Variants in OTUD7A observed in about 807,000 individuals in gnomAD.
The protein encoded by OTUD7A is OTU deubiquitinase 7A.
A neutral mutation model predicts 65.7 loss-of-function variants in OTUD7A; 12 were observed. The observed-to-expected ratio is 0.18, with a 90% CI of 0.12 to 0.30. The LOEUF is 0.30. Ranked by LOEUF, OTUD7A falls within the 10% of genes least tolerant of loss-of-function variation. The pLI, the probability that OTUD7A is intolerant of heterozygous loss-of-function variation, is 1.00. For missense variants in OTUD7A, 1,148 were observed against 1,304.8 expected (o/e 0.88, Z 1.85); for synonymous variants, 641 against 586.3 (o/e 1.09, Z -1.35).
intron 1 of OTUD7A, among the ~76,000 whole-genome samples, chr15:31,834,245 G>A (rs897649829): frequency 2.6e-5 from 4 of 152,138 alleles, no homozygotes; most frequent in African/African-American, 7.2e-5. Context: ...TGGAGTTCAC[G>A]GTGCAATTCT....
At chr15:31,819,583 T>C (rs1896629608) in intron 1 of OTUD7A, among the ~76,000 whole-genome samples, 1 of 152,220 alleles carries the variant, frequency 6.6e-6, no homozygotes, top group African/African-American at 2.4e-5. Flanking sequence ...TATGGAATTT[T>C]GAAATTCCAA....
At chr15:31,590,228 C>T (rs1234569380) in intron 3 of OTUD7A, among the ~76,000 whole-genome samples, 5 of 152,204 alleles carry the variant, frequency 3.3e-5, no homozygotes, top group Admixed American at 2.0e-4. Context: ...AGTTTTGTAG[C>T]TTACGATCAA....
chr15:31,768,020 C>T lies in OTUD7A; in HGVS notation c.-100+102487G>A, dbSNP rs147414182. The T allele has an allele frequency of 6.9e-6, 11 of 1,599,080 alleles. No homozygotes were observed. In the African/African-American group the frequency reaches 9.4e-5, roughly 14 times the overall value. ...CCTTGTAACTTCAGGACCAAAATTG[C>T]TATTATTTCTTAATAGGTCATAAAG... On this transcript the variant is annotated intron_variant, in intron 1 of 12. Coordinates refer to ENST00000307050, the MANE Select transcript of OTUD7A (RefSeq NM_001382637.1).
Position 31,794,631 on chromosome 15 carries a change from G to GAA in OTUD7A, c.-100+75874_-100+75875dup, listed in dbSNP as rs66726796. ...TTCTAAAGGCCGGGAATAGAATAGTGAAAAAAAAAAAAAAAATCCTAACTT... is the reference window on the plus strand; with the variant it reads ...TTCTAAAGGCCGGGAATAGAATAGTGAAAAAAAAAAAAAAAAAATCCTAACTT... On this transcript the variant is annotated intron_variant, in intron 1 of 12. Transcript: ENST00000307050. Among the ~76,000 whole-genome samples, 1,207 of 142,582 alleles carry GAA rather than the reference G, an allele frequency of 8.5e-3. 8 individuals are homozygous for GAA. The highest frequency in any genetic ancestry group is 0.025 in the Middle Eastern group (7 of 278). The allele number at this position is 142,582 out of a possible 152,430, so 93.5% of individuals were successfully genotyped here.
rs4343240 is a variant in OTUD7A, at chr15:31,637,518, C to T, written c.151+17578G>A. ...AATACAACATCCATTCTGTACTCCACGGATCAAGGAGCAATTTTGACTTGC... is the reference window on the plus strand; with the variant it reads ...AATACAACATCCATTCTGTACTCCATGGATCAAGGAGCAATTTTGACTTGC... On this transcript the variant is annotated intron_variant, in intron 3 of 12. Coordinates refer to ENST00000307050, the MANE Select transcript of OTUD7A (RefSeq NM_001382637.1). 9.1e-3 allele frequency among the ~76,000 whole-genome samples: 1,392 copies of T among 152,290 alleles called. 32 individuals carry two copies. The highest frequency in any genetic ancestry group is 0.032 in the African/African-American group (1,341 of 41,576).
intron 1 of OTUD7A, among the ~76,000 whole-genome samples, chr15:31,821,646 T>C (rs1051238924): frequency 2.6e-5 from 4 of 152,214 alleles, no homozygotes; most frequent in African/African-American, 4.8e-5. Flanking sequence ...GTGGAATTAC[T>C]GGGTCATATG....
chr15:31,630,532 T>C (rs1403838470), intron 3 of OTUD7A, among the ~76,000 whole-genome samples: 1 of 151,310 alleles, frequency 6.6e-6, no homozygotes, highest in African/African-American at 2.4e-5. Flanking sequence ...AATTTTGGAA[T>C]AGGTGTGGTG....
chr15:31,664,929 TTATG>T (rs1208869930), intron 1 of OTUD7A, among the ~76,000 whole-genome samples: 2 of 152,168 alleles, frequency 1.3e-5, no homozygotes, highest in Non-Finnish European at 2.9e-5. Context: ...TTTCCCTACT[TTATG>T]TTTTTGTTTG....
chr15:31,634,166 C>A (rs1891265159), intron 3 of OTUD7A, among the ~76,000 whole-genome samples: 1 of 152,090 alleles, frequency 6.6e-6, no homozygotes, highest in African/African-American at 2.4e-5. Flanking sequence ...AAAGAAGTAC[C>A]CCGTGAAGGC....
intron 1 of OTUD7A, among the ~76,000 whole-genome samples, chr15:31,829,016 T>A (rs1896866489): frequency 6.6e-6 from 1 of 152,184 alleles, no homozygotes; most frequent in South Asian, 2.1e-4. Flanking sequence ...ATGCCCCTGG[T>A]CCATTGTACA....
At chr15:31,545,629 T>C (rs1369987346) in intron 5 of OTUD7A, among the ~76,000 whole-genome samples, 1 of 151,898 alleles carries the variant, frequency 6.6e-6, no homozygotes, top group Non-Finnish European at 1.5e-5. Flanking sequence ...GATATGCAAA[T>C]GGCCAATAAC....
chr15:31,552,493 G>T (rs528942779), intron 5 of OTUD7A, among the ~76,000 whole-genome samples: 2 of 152,350 alleles, frequency 1.3e-5, no homozygotes, highest in African/African-American at 4.8e-5. Flanking sequence ...AATTAGTAGA[G>T]GAGGCCATTT....
At chr15:31,583,555 G>C (rs950085834) in intron 3 of OTUD7A, among the ~76,000 whole-genome samples, 3 of 151,934 alleles carry the variant, frequency 2.0e-5, no homozygotes, top group African/African-American at 7.3e-5. Flanking sequence ...TCATGGTAGT[G>C]AATAAGTCTC....
intron 6 of OTUD7A, among the ~76,000 whole-genome samples, chr15:31,530,014 C>T (rs1467163886): frequency 6.6e-6 from 1 of 152,118 alleles, no homozygotes; most frequent in Non-Finnish European, 1.5e-5. Flanking sequence ...TCCAGAAAGT[C>T]GATGATGATC....
chr15:31,624,651 GA>G (rs1282258055), intron 3 of OTUD7A, among the ~76,000 whole-genome samples: 1 of 152,106 alleles, frequency 6.6e-6, no homozygotes. Context: ...CAGTGTTGCG[GA>G]TACCTTGTTT....
At chr15:31,659,888 G>A (rs1892109556) in intron 1 of OTUD7A, among the ~76,000 whole-genome samples, 1 of 152,256 alleles carries the variant, frequency 6.6e-6, no homozygotes, top group Non-Finnish European at 1.5e-5. Context: ...ACAGGCTTGG[G>A]AGCTGATGGC....
At chr15:31,621,762 T>G (rs12324370) in intron 3 of OTUD7A, among the ~76,000 whole-genome samples, 37,060 of 142,220 alleles carry the variant, frequency 0.26, 5,935 homozygotes, top group African/African-American at 0.44. Flanking sequence ...TTAGCCCATT[T>G]ACATTTAAGG....
At chr15:31,618,721 A>T (rs1180572810) in intron 3 of OTUD7A, among the ~76,000 whole-genome samples, 5 of 152,122 alleles carry the variant, frequency 3.3e-5, no homozygotes, top group Admixed American at 3.3e-4. Context: ...CCCAATCTGT[A>T]TGTTGCCTGT....
chr15:31,690,228 A>AGATTCTTTAACAACTACTTTAAGC (rs1199560904), intron 1 of OTUD7A, among the ~76,000 whole-genome samples: 1 of 152,220 alleles, frequency 6.6e-6, no homozygotes, highest in Non-Finnish European at 1.5e-5. Context: ...AGGAATCATA[A>AGATTCTTTAACAACTACTTTAAGC]TTCTTAACAA....
Sources: allele counts gnomAD v4.1 joint callset (sites outside exome capture counted in the v4.1 genomes callset), GRCh38; gene constraint gnomAD v4.1.1; transcripts MANE v1.5; gene names NCBI Gene and HGNC (gene_info 2026-07-23, HGNC 2026-07-21).